The following USH2A variants were observed in gnomAD, a reference collection of about 807,000 sequenced individuals.
USH2A encodes the protein Usher syndrome 2A (autosomal recessive, mild).
In USH2A, 443 loss-of-function variants were observed where a neutral mutation model predicts 538.9. The observed-to-expected ratio is 0.82, with a 90% CI of 0.76 to 0.89. The LOEUF (loss-of-function observed/expected upper bound fraction) is 0.89. USH2A is among the 40% of genes least tolerant of loss of function. USH2A has a pLI of 0.00. For synonymous variants in USH2A, 2,413 were observed against 2,273.5 expected (o/e 1.06, Z -1.75); for missense variants, 6,633 against 6,324.8 (o/e 1.05, Z -1.65).
chr1:216,145,430 T>C (rs74652126), intron 21 of USH2A, among the ~76,000 whole-genome samples: 37 of 152,322 alleles, frequency 2.4e-4, no homozygotes, highest in African/African-American at 8.4e-4. Flanking sequence ...AGCAAATCTA[T>C]GTCTACAACA....
rs2102727580 is a variant in USH2A, at chr1:215,743,336, C to T, written c.11390-1G>A. 1 of 1,587,634 alleles carries T rather than the reference C, an allele frequency of 6.3e-7. No homozygotes were observed. The highest frequency in any genetic ancestry group is 1.7e-4 in the Middle Eastern group (1 of 5,960). Reference sequence around the variant, plus strand: ...ACAGGAATTTCGGGGATGAGGATCCCTTTAAAGAGAGAGAGAGAGAGAGAA... The same window carrying T: ...ACAGGAATTTCGGGGATGAGGATCCTTTTAAAGAGAGAGAGAGAGAGAGAA... On this transcript the variant is annotated splice_acceptor_variant, in intron 58 of 71. Transcript: ENST00000307340. LOFTEE classifies it high-confidence loss of function.
chr1:215,951,336 T>G (rs1337797858), intron 37 of USH2A, among the ~76,000 whole-genome samples: 1 of 152,258 alleles, frequency 6.6e-6, no homozygotes, highest in African/African-American at 2.4e-5. Flanking sequence ...AGGAGCAGGT[T>G]GCTCAGTTTC....
At chr1:216,298,398 C>G (rs912774066) in intron 9 of USH2A, among the ~76,000 whole-genome samples, 1 of 152,094 alleles carries the variant, frequency 6.6e-6, no homozygotes, top group African/African-American at 2.4e-5. Flanking sequence ...TTATACTTAA[C>G]GTCAGCCCAA....
intron 21 of USH2A, among the ~76,000 whole-genome samples, chr1:216,161,788 T>G (rs2102629143): frequency 6.6e-6 from 1 of 152,238 alleles, no homozygotes; most frequent in South Asian, 2.1e-4. Context: ...TACAGAAATC[T>G]TGACTGGTAG....
At chr1:215,993,395 A>G (rs1668051634) in intron 34 of USH2A, among the ~76,000 whole-genome samples, 2 of 152,172 alleles carry the variant, frequency 1.3e-5, no homozygotes, top group African/African-American at 2.4e-5. Flanking sequence ...GATGGTATGA[A>G]TGTATGAATT....
chr1:216,248,402 G>A (rs1349396398), intron 12 of USH2A, among the ~76,000 whole-genome samples: 1 of 152,016 alleles, frequency 6.6e-6, no homozygotes, highest in Non-Finnish European at 1.5e-5. Context: ...ATAACTCACT[G>A]CATGGGTTGA....
chr1:216,333,177 C>T (rs1354893110), intron 4 of USH2A, among the ~76,000 whole-genome samples: 1 of 151,932 alleles, frequency 6.6e-6, no homozygotes, highest in Non-Finnish European at 1.5e-5. Context: ...GGCATGGTGG[C>T]TCATGCCTGT....
In USH2A at chr1:216,097,932, C is replaced by T. The variant is rs529562111; in HGVS notation, c.4628-719G>A. ...TGTCACCCCCCTACCATTACATGGC[C>T]CCATCTCCAGTCCTATGAATGATGC... is the stretch of plus-strand genomic sequence containing the variant. On this transcript the variant is annotated intron_variant, in intron 21 of 71. Coordinates refer to ENST00000307340, the MANE Select transcript of USH2A (RefSeq NM_206933.4). 1.1e-4 allele frequency among the ~76,000 whole-genome samples: 17 copies of T among 151,480 alleles called. No homozygotes were observed. In the South Asian group the frequency reaches 3.4e-3, roughly 30 times the overall value.
intron 47 of USH2A, among the ~76,000 whole-genome samples, chr1:215,822,311 A>C (rs575340479): frequency 6.6e-6 from 1 of 151,802 alleles, no homozygotes; most frequent in Admixed American, 6.6e-5. Flanking sequence ...TCAGCATTTT[A>C]TAGTTTTACT....
At chr1:215,636,146 C>A (rs530827104) in intron 69 of USH2A, among the ~76,000 whole-genome samples, 1 of 152,192 alleles carries the variant, frequency 6.6e-6, no homozygotes, top group Non-Finnish European at 1.5e-5. Context: ...GCAGACACAA[C>A]TGCAAAGCCC....
At chr1:216,120,119 G>T (rs2033097777) in intron 21 of USH2A, among the ~76,000 whole-genome samples, 1 of 147,598 alleles carries the variant, frequency 6.8e-6, no homozygotes, top group Non-Finnish European at 1.5e-5. Context: ...TGCAAGTTTT[G>T]TTTGAGATAC....
At chr1:215,701,930 G>A (rs554700444) in intron 61 of USH2A, among the ~76,000 whole-genome samples, 1 of 152,166 alleles carries the variant, frequency 6.6e-6, no homozygotes, top group South Asian at 2.1e-4. Flanking sequence ...TTTACATTTT[G>A]GTATGTTTCT....
chr1:216,289,287 C>T lies in USH2A; in HGVS notation c.1964G>A (p.Cys655Tyr). The change falls in exon 11 of 72, where the codon TGT (cysteine) becomes TAT (tyrosine). Residue 655 changes from cysteine (C) to tyrosine (Y), a missense_variant. By Grantham distance (194) the Cys-to-Tyr change is radical. Coordinates refer to ENST00000307340, the MANE Select transcript of USH2A (RefSeq NM_206933.4). ...ATACTCAGAAAAACTCACCTGATCA[C>T]AAAGAATGCTACCATTTCTAGTGCC... ...TVGTRNGSILCDQIGGQCNCK... is the reference protein window; with the variant it reads ...TVGTRNGSILYDQIGGQCNCK... 1 of 1,613,846 alleles carries T rather than the reference C, an allele frequency of 6.2e-7. No individual in the cohort carries two copies. The highest frequency in any genetic ancestry group is 8.5e-7 in the Non-Finnish European group (1 of 1,179,776).
At chr1:216,284,779 T>C (rs1309635729) in intron 11 of USH2A, among the ~76,000 whole-genome samples, 1 of 152,178 alleles carries the variant, frequency 6.6e-6, no homozygotes, top group Non-Finnish European at 1.5e-5. Flanking sequence ...ACTTGTTGAA[T>C]GGCTTTGACC....
intron 47 of USH2A, among the ~76,000 whole-genome samples, chr1:215,820,799 T>C (rs1329098483): frequency 6.6e-6 from 1 of 151,606 alleles, no homozygotes; most frequent in African/African-American, 2.4e-5. Context: ...CTTCATGAGG[T>C]TCACTTTTTT....
chr1:216,205,470 G>C (rs3767687), intron 16 of USH2A, among the ~76,000 whole-genome samples: 84,844 of 152,048 alleles, frequency 0.56, 25,241 homozygotes, highest in East Asian at 0.76. Context: ...AGAGCCAAGA[G>C]AAAGGGGTGG....
At chr1:216,156,879 T>TC (rs2033956121) in intron 21 of USH2A, among the ~76,000 whole-genome samples, 4 of 128,472 alleles carry the variant, frequency 3.1e-5, no homozygotes, top group African/African-American at 1.4e-4. Flanking sequence ...CTTCTATCTC[T>TC]TTTTTTTTTT....
At chr1:216,311,518 G>A (rs1400230259) in intron 9 of USH2A, among the ~76,000 whole-genome samples, 1 of 152,062 alleles carries the variant, frequency 6.6e-6, no homozygotes. Context: ...CTGGACTATC[G>A]TGACAATTTC....
intron 56 of USH2A, among the ~76,000 whole-genome samples, chr1:215,761,864 TA>T (rs760750846): frequency 5.3e-5 from 8 of 151,978 alleles, no homozygotes; most frequent in African/African-American, 1.9e-4. Context: ...TTCTGGAGAT[TA>T]AAAAAAACTC....
Sources: allele counts gnomAD v4.1 joint callset (sites outside exome capture counted in the v4.1 genomes callset), GRCh38; gene constraint gnomAD v4.1.1; transcripts MANE v1.5; gene names NCBI Gene and HGNC (gene_info 2026-07-23, HGNC 2026-07-21).